Variants in TRPM6 observed in about 807,000 individuals in gnomAD.
TRPM6 encodes the protein transient receptor potential cation channel subfamily M member 6.
Under a neutral mutation model 247.6 loss-of-function variants are expected in TRPM6, and 111 were observed. The ratio of observed to expected loss-of-function variants is 0.45; its 90% CI spans 0.38 to 0.52. TRPM6 has a LOEUF of 0.52. Ranked by LOEUF, TRPM6 falls within the 20% of genes least tolerant of loss-of-function variation. The probability of loss-of-function intolerance (pLI) is 0.00; values close to 1 mark genes in which losing one functional copy is unlikely to be tolerated. For missense variants in TRPM6, 2,126 were observed against 2,421.5 expected (o/e 0.88, Z 2.56); for synonymous variants, 892 against 853.8 (o/e 1.04, Z -0.78).
chr9:74,855,080 CA>C (rs149377394), intron 3 of TRPM6, among the ~76,000 whole-genome samples: 8,150 of 152,208 alleles, frequency 0.054, 317 homozygotes, highest in African/African-American at 0.11. Flanking sequence ...CTTCTACTTA[CA>C]AAAGAGAAAG....
chr9:74,835,343 C>A (rs934679150), intron 5 of TRPM6, among the ~76,000 whole-genome samples: 2 of 152,032 alleles, frequency 1.3e-5, no homozygotes, highest in African/African-American at 4.8e-5. Flanking sequence ...AGCCCTTTGA[C>A]AGATGGGTAG....
At chr9:74,851,765 T>TACATATATATATA (rs1830324482) in intron 3 of TRPM6, among the ~76,000 whole-genome samples, 23 of 123,760 alleles carry the variant, frequency 1.9e-4, no homozygotes, top group African/African-American at 5.4e-5. Context: ...AAAAAAAAAA[T>TACATATATATATA]ATATATATAT....
chr9:74,724,751 AAGG>A lies in TRPM6; in HGVS notation c.5936-8_5936-6del. On this transcript the variant is annotated splice_region_variant and splice_polypyrimidine_tract_variant and intron_variant, in intron 38 of 38. Transcript: ENST00000360774. ...AATAGTCATTTCTTTTTAAATCTGC[AAGG>A]AGGACAAGTAAAAAGGTTATAGTGG... 1 of 1,614,088 alleles carries A rather than the reference AAGG, an allele frequency of 6.2e-7. No individual in the cohort carries two copies. Among genetic ancestry groups the A allele is most frequent in the Non-Finnish European group, 8.5e-7 (1 of 1,179,988 alleles).
chr9:74,785,918 C>G lies in TRPM6; in HGVS notation c.2875G>C (p.Val959Leu). Residue 959 changes from valine to leucine, a missense_variant, in exon 21 of 39, where the codon GTG (valine) becomes CTG (leucine). Val to Leu is a conservative substitution (Grantham distance 32, BLOSUM62 1). Around this residue, in one of 3 missense-constraint regions of TRPM6, gnomAD observed 1,082 missense variants for 1,307.9 expected, o/e 0.83. Transcript: ENST00000360774. ...ACATATGGACCTGCATGTTGATTCA[C>G]AGCAAAGAAGTCCAGGAGCCGTGAG... Reference protein sequence around the residue: ...WFSRLLDFFAVNQHAGPYVTM... With the variant: ...WFSRLLDFFALNQHAGPYVTM... 6.2e-7 allele frequency: 1 copy of G among 1,614,226 alleles called. No homozygotes were observed. The highest frequency in any genetic ancestry group is 8.5e-7 in the Non-Finnish European group (1 of 1,180,038).
intron 14 of TRPM6, chr9:74,804,425 A>G (rs368766258): frequency 2.6e-4 from 137 of 535,620 alleles, no homozygotes; most frequent in African/African-American, 1.7e-3. Flanking sequence ...TACAAAAACA[A>G]AAAGAAGCAT....
intron 4 of TRPM6, among the ~76,000 whole-genome samples, chr9:74,840,697 A>T (rs952109386): frequency 2.0e-5 from 3 of 152,056 alleles, no homozygotes; most frequent in Admixed American, 6.6e-5. Context: ...CACATCTGTA[A>T]TCCCAGCTAC....
At chr9:74,761,957 G>A (rs1463518586) in intron 26 of TRPM6, 42 bp downstream of exon 26, 1 of 1,593,930 alleles carries the variant, frequency 6.3e-7, no homozygotes, top group South Asian at 1.1e-5. Flanking sequence ...CAGTAGCAAT[G>A]CAAAGGACTT....
rs1391367322 is a variant in TRPM6, at chr9:74,738,392, T to C, written c.5776+15A>G. On this transcript the variant is annotated intron_variant, in intron 36 of 38. Transcript: ENST00000360774. ...GCCTCATGCTTGTTGTATCAAATCC[T>C]ACATCATCAATCACCTTGCAAATCT... 9 of 1,613,326 alleles carry C rather than the reference T, an allele frequency of 5.6e-6. No individual in the cohort carries two copies. Among genetic ancestry groups the C allele is most frequent in the South Asian group, 2.2e-5 (2 of 91,052 alleles).
At chr9:74,801,825 T>G in intron 16 of TRPM6, 73 bp downstream of exon 16, 315 of 1,559,988 alleles carry the variant, frequency 2.0e-4, no homozygotes, top group Middle Eastern at 3.5e-4. Flanking sequence ...AGTTTAAAGA[T>G]GAGAGAGATA....
chr9:74,779,336 C>T (rs1827335751), intron 23 of TRPM6, among the ~76,000 whole-genome samples: 1 of 152,170 alleles, frequency 6.6e-6, no homozygotes, highest in Admixed American at 6.5e-5. Flanking sequence ...ATAAAAATAG[C>T]TATTATAACT....
intron 7 of TRPM6, among the ~76,000 whole-genome samples, chr9:74,824,979 G>C (rs893376559): frequency 6.6e-6 from 1 of 152,090 alleles, no homozygotes; most frequent in African/African-American, 2.4e-5. Flanking sequence ...TCAACCACAG[G>C]CTGGGCATGG....
chr9:74,876,988 A>T (rs1428318874), intron 1 of TRPM6, among the ~76,000 whole-genome samples: 2 of 152,234 alleles, frequency 1.3e-5, no homozygotes, highest in African/African-American at 4.8e-5. Context: ...CCATGAAAAG[A>T]TGCTCAAAAT....
chr9:74,816,554 G>A (rs1363200637), intron 11 of TRPM6, 115 bp downstream of exon 11: 8 of 810,810 alleles, frequency 9.9e-6, no homozygotes, highest in Non-Finnish European at 1.6e-5. Context: ...CTACAGAGAT[G>A]CTACCCCACA....
At chr9:74,753,799 G>A (rs1302430561) in intron 28 of TRPM6, among the ~76,000 whole-genome samples, 1 of 151,886 alleles carries the variant, frequency 6.6e-6, no homozygotes, top group Non-Finnish European at 1.5e-5. Flanking sequence ...ACTCAGACAC[G>A]TTTCAAAAAA....
intron 11 of TRPM6, 141 bp downstream of exon 11, chr9:74,816,528 G>A: frequency 1.6e-6 from 1 of 624,440 alleles, no homozygotes; most frequent in South Asian, 1.7e-5. Context: ...TGGGAAAAGT[G>A]TCTTAGCTAT....
intron 36 of TRPM6, chr9:74,737,578 T>C (rs1825736063): frequency 2.0e-6 from 1 of 494,802 alleles, no homozygotes; most frequent in South Asian, 1.8e-5. Context: ...AACAGGGATG[T>C]CTTAAGAACA....
At position 74,806,279 on chromosome 9, in the gene TRPM6, G is replaced by GTATTTATTTATT. The variant is rs60032253; in HGVS notation, c.1638+1743_1638+1754dup. Among the ~76,000 whole-genome samples, 244 of 150,776 alleles carry GTATTTATTTATT rather than the reference G, an allele frequency of 1.6e-3. 2 individuals are homozygous for GTATTTATTTATT. Among genetic ancestry groups the GTATTTATTTATT allele is most frequent in the African/African-American group, 5.7e-3 (234 of 40,848 alleles). ...ACCATAGGCTTTTTAAAAATTTATT[G>GTATTTATTTATT]TATTTATTTATTTATTTATTTATTT... On this transcript the variant is annotated intron_variant, in intron 14 of 38. Coordinates refer to ENST00000360774, the MANE Select transcript of TRPM6 (RefSeq NM_017662.5).
rs910177719 is a variant in TRPM6 at position 74,724,183 on chromosome 9, T to C, written c.*430A>G. 1.2e-5 allele frequency: 3 copies of C among 240,198 alleles called. No homozygotes were observed. The highest frequency in any genetic ancestry group is 2.3e-5 in the African/African-American group (1 of 44,422). 14.9% of individuals were successfully genotyped at this position (240,198 alleles called of 1,614,324 possible). On this transcript the variant is annotated 3_prime_UTR_variant, in exon 39 of 39. Transcript: ENST00000360774. ...ACATAACTTTTTATGAACATATATA[T>C]AGACATAAATACAATCTGTGGGTGA...
intron 18 of TRPM6, among the ~76,000 whole-genome samples, chr9:74,793,596 A>G (rs1188114847): frequency 6.6e-6 from 1 of 152,208 alleles, no homozygotes; most frequent in Non-Finnish European, 1.5e-5. Flanking sequence ...CAATACAATT[A>G]TTTCCTTAAC....
Sources: gnomAD v4.1 joint callset for allele counts (sites outside exome capture counted in the v4.1 genomes callset) on GRCh38, gnomAD v4.1.1 for gene constraint, gnomAD v4.1.1 regional missense constraint, MANE v1.5 for transcripts, NCBI Gene and HGNC (gene_info 2026-07-23, HGNC 2026-07-21) for gene names.